Variants in NAV3 observed in about 807,000 individuals in gnomAD.
NAV3 encodes the protein pore membrane and/or filament interacting like protein 1.
In NAV3, 87 loss-of-function variants were observed where a neutral mutation model predicts 244.7. That is an observed-to-expected ratio of 0.36 (90% CI 0.30 to 0.42). NAV3 has a LOEUF of 0.42. Ranked by LOEUF, NAV3 falls within the 20% of genes least tolerant of loss-of-function variation. NAV3 has a pLI of 1.00. For synonymous variants in NAV3, 1,126 were observed against 1,042.2 expected, an observed-to-expected ratio of 1.08 and a Z score of -1.55; for missense variants, 2,663 against 2,893.3, an observed-to-expected ratio of 0.92 and a Z score of 1.83.
At chr12:77,924,934 A>G (rs557143919) in intron 1 of NAV3, among the ~76,000 whole-genome samples, 2 of 151,984 alleles carry the variant, frequency 1.3e-5, no homozygotes, top group Admixed American at 1.3e-4. Flanking sequence ...TAGGCAGGGT[A>G]GATAAGGATA....
chr12:77,741,568 A>T (rs977169748), intron 2 of NAV3, among the ~76,000 whole-genome samples: 2 of 152,120 alleles, frequency 1.3e-5, no homozygotes, highest in Admixed American at 6.6e-5. Context: ...AAGACTTGTC[A>T]GTTTTGATTC....
intron 5 of NAV3, among the ~76,000 whole-genome samples, chr12:77,975,069 T>A (rs2136207453): frequency 6.6e-6 from 1 of 152,284 alleles, no homozygotes; most frequent in African/African-American, 2.4e-5. Context: ...ATATTTCCAA[T>A]AAAATAGCTT....
At chr12:77,701,645 T>G (rs918871737) in intron 2 of NAV3, among the ~76,000 whole-genome samples, 3 of 152,018 alleles carry the variant, frequency 2.0e-5, no homozygotes, top group African/African-American at 7.2e-5. Flanking sequence ...AAACGCTATT[T>G]GAACTGCACC....
intron 2 of NAV3, among the ~76,000 whole-genome samples, chr12:77,619,474 T>A (rs1871276730): frequency 6.6e-6 from 1 of 152,182 alleles, no homozygotes; most frequent in African/African-American, 2.4e-5. Context: ...GTAAAGTAAA[T>A]AAAACATATG....
At chr12:77,887,056 T>C (rs1883375783) in intron 1 of NAV3, among the ~76,000 whole-genome samples, 1 of 152,190 alleles carries the variant, frequency 6.6e-6, no homozygotes, top group South Asian at 2.1e-4. Context: ...AATATTGACC[T>C]TGCGTTAGAG....
intron 2 of NAV3, among the ~76,000 whole-genome samples, chr12:77,622,260 T>C (rs999752394): frequency 1.8e-4 from 27 of 152,108 alleles, no homozygotes; most frequent in African/African-American, 6.0e-4. Flanking sequence ...CCTGGGTTCA[T>C]GCCGTTCTCC....
chr12:78,142,851 GA>G (rs1157747720), intron 20 of NAV3, among the ~76,000 whole-genome samples: 1 of 151,490 alleles, frequency 6.6e-6, no homozygotes, highest in East Asian at 1.9e-4. Flanking sequence ...TTAGAAAATT[GA>G]AAGTTGTATT....
At chr12:78,085,670 C>T (rs1328047994) in intron 12 of NAV3, among the ~76,000 whole-genome samples, 1 of 151,958 alleles carries the variant, frequency 6.6e-6, no homozygotes, top group Non-Finnish European at 1.5e-5. Context: ...GTGGGCTGAA[C>T]ATTCAGGAGG....
chr12:78,100,580 C>G (rs36096396), intron 12 of NAV3, among the ~76,000 whole-genome samples: 21,932 of 151,876 alleles, frequency 0.14, 1,591 homozygotes, highest in Non-Finnish European at 0.15. Context: ...TTGCACTCTA[C>G]CTTTAATATA....
intron 2 of NAV3, among the ~76,000 whole-genome samples, chr12:77,655,603 G>C (rs1398644944): frequency 1.3e-5 from 2 of 151,916 alleles, no homozygotes; most frequent in Admixed American, 6.6e-5. Flanking sequence ...GAAATACAGA[G>C]AACGCCACAA....
At chr12:78,187,433 C>T (rs2139828715) in intron 31 of NAV3, among the ~76,000 whole-genome samples, 1 of 151,924 alleles carries the variant, frequency 6.6e-6, no homozygotes, top group South Asian at 2.1e-4. Flanking sequence ...CTAATTATAT[C>T]TACTGGAATC....
At chr12:78,199,115 T>C in intron 36 of NAV3, 1 of 624,782 alleles carries the variant, frequency 1.6e-6, no homozygotes, top group African/African-American at 1.8e-5. Context: ...CACATGAGCT[T>C]CTTTTTAGCT....
chr12:77,610,452 A>G (rs1398277700), intron 2 of NAV3, among the ~76,000 whole-genome samples: 5 of 151,960 alleles, frequency 3.3e-5, no homozygotes, highest in African/African-American at 9.7e-5. Flanking sequence ...GAAAGCAGCT[A>G]CTCTGGTTCC....
intron 2 of NAV3, among the ~76,000 whole-genome samples, chr12:77,807,315 G>C (rs533102446): frequency 6.6e-6 from 1 of 152,234 alleles, no homozygotes; most frequent in African/African-American, 2.4e-5. Context: ...GGCTGGTACT[G>C]GTTTTTCCTT....
chr12:77,800,897 A>T (rs1871671285), intron 2 of NAV3, among the ~76,000 whole-genome samples: 1 of 152,072 alleles, frequency 6.6e-6, no homozygotes, highest in African/African-American at 2.4e-5. Flanking sequence ...CATCTAGGAC[A>T]CTCTTCATCA....
intron 2 of NAV3, among the ~76,000 whole-genome samples, chr12:77,634,760 T>A (rs1166164483): frequency 2.6e-5 from 4 of 152,162 alleles, no homozygotes; most frequent in African/African-American, 9.7e-5. Context: ...TTCTTATTTT[T>A]AACAGTAATT....
chr12:78,131,672 A>G (rs889390050), intron 18 of NAV3, among the ~76,000 whole-genome samples: 27 of 152,180 alleles, frequency 1.8e-4, no homozygotes, highest in Admixed American at 1.6e-3. Flanking sequence ...CTTAGGAACA[A>G]AAAGACTCAC....
chr12:78,188,747 G>C lies in NAV3; in HGVS notation c.6025G>C (p.Asp2009His), dbSNP rs755598557. 1.2e-6 allele frequency: 2 copies of C among 1,612,032 alleles called. No individual in the cohort carries two copies. Among genetic ancestry groups the C allele is most frequent in the East Asian group, 2.2e-5 (1 of 44,776 alleles). Residue 2009 changes from aspartate (D) to histidine (H), a missense_variant, in exon 33 of 40, where the codon GAT (aspartate) becomes CAT (histidine). Physicochemically the swap from Asp to His is moderately conservative, Grantham distance 81. This residue lies in a region of NAV3 where 543 missense variants were observed against 672.4 expected (regional missense o/e 0.81). Transcript: ENST00000397909. ...GCTGCCTTGTGGATACCTTGTTGGA[G>C]ATAATAACATCATCACTGTGAACCT... is the stretch of plus-strand genomic sequence containing the variant. ...ELLPCGYLVGDNNIITVNLKG... is the reference protein window; with the variant it reads ...ELLPCGYLVGHNNIITVNLKG...
In NAV3 at chr12:77,998,573, T is replaced by G. The variant is rs1036891834; in HGVS notation, c.880+97T>G. Reference sequence around the variant, plus strand: ...TTGAGCAGCGTAACAACTTTGGGCCTAGAGATGTTATCAGTGGAGTTTCTT... The same window carrying G: ...TTGAGCAGCGTAACAACTTTGGGCCGAGAGATGTTATCAGTGGAGTTTCTT... On this transcript the variant is annotated intron_variant, in intron 7 of 39. Coordinates refer to ENST00000397909, the MANE Select transcript of NAV3 (RefSeq NM_001024383.2). The G allele has an allele frequency of 1.4e-5, 19 of 1,314,368 alleles. No homozygotes were observed. The Admixed American group carries it at 4.8e-4, about 33-fold the overall frequency. 81.4% of individuals were successfully genotyped at this position (1,314,368 alleles called of 1,614,324 possible).
Sources: allele counts gnomAD v4.1 joint callset (sites outside exome capture counted in the v4.1 genomes callset), GRCh38; gene constraint gnomAD v4.1.1; regional missense constraint gnomAD v4.1.1; transcripts MANE v1.5; gene names NCBI Gene and HGNC (gene_info 2026-07-23, HGNC 2026-07-21).